The following GABRA5 variants were observed in gnomAD, a reference collection of about 807,000 sequenced individuals.
GABRA5 encodes the protein gamma-aminobutyric acid receptor subunit alpha-5.
A neutral mutation model predicts 47.3 loss-of-function variants in GABRA5; 18 were observed. The ratio of observed to expected loss-of-function variants is 0.38; its 90% CI spans 0.26 to 0.56. GABRA5 has a LOEUF of 0.56. Ranked by LOEUF, GABRA5 falls within the 20% of genes least tolerant of loss-of-function variation. The pLI is 0.71. For missense variants in GABRA5, 365 were observed against 599.3 expected (o/e 0.61, Z 4.08); for synonymous variants, 237 against 229.3 (o/e 1.03, Z -0.30).
At chr15:26,921,691 T>TTG (rs1480043980) in intron 7 of GABRA5, among the ~76,000 whole-genome samples, 1 of 152,152 alleles carries the variant, frequency 6.6e-6, no homozygotes, top group East Asian at 1.9e-4. Flanking sequence ...ACTTAGGTTA[T>TTG]TGATTTGAGA....
At chr15:26,946,688 A>G (rs1462678124) in intron 10 of GABRA5, among the ~76,000 whole-genome samples, 1 of 151,922 alleles carries the variant, frequency 6.6e-6, no homozygotes, top group Non-Finnish European at 1.5e-5. Flanking sequence ...AAAGCTCACC[A>G]TGCCTCTTCC....
At chr15:26,930,026 T>G (rs1039282628) in intron 7 of GABRA5, among the ~76,000 whole-genome samples, 1 of 150,942 alleles carries the variant, frequency 6.6e-6, no homozygotes, top group Admixed American at 6.6e-5. Flanking sequence ...TTTTTTTGTT[T>G]TTTGTTTTTT....
intron 4 of GABRA5, among the ~76,000 whole-genome samples, chr15:26,881,588 A>G (rs67607606): frequency 0.17 from 25,233 of 152,222 alleles, 4,767 homozygotes; most frequent in African/African-American, 0.47. Context: ...GGCATGTGCA[A>G]TCCCCTTGGC....
intron 7 of GABRA5, among the ~76,000 whole-genome samples, chr15:26,923,977 A>G (rs868134663): frequency 1.3e-5 from 2 of 151,832 alleles, no homozygotes; most frequent in South Asian, 2.1e-4. Flanking sequence ...TGTTACCAGC[A>G]TGTTTGTACT....
intron 6 of GABRA5, among the ~76,000 whole-genome samples, chr15:26,909,689 T>C (rs143819954): frequency 1.6e-4 from 24 of 152,328 alleles, no homozygotes; most frequent in Admixed American, 2.6e-4. Context: ...TCTGACACTC[T>C]TGTCTCCCTC....
intron 7 of GABRA5, among the ~76,000 whole-genome samples, chr15:26,923,017 T>C (rs1893878545): frequency 1.3e-5 from 2 of 152,222 alleles, no homozygotes. Context: ...CCTCCCTTTA[T>C]GTCCCTTTAC....
intron 7 of GABRA5, among the ~76,000 whole-genome samples, chr15:26,922,797 G>T (rs1364860015): frequency 6.6e-6 from 1 of 152,070 alleles, no homozygotes; most frequent in Non-Finnish European, 1.5e-5. Flanking sequence ...GTCTTGCTTT[G>T]TTGCCCAGGC....
chr15:26,893,775 C>G (rs1430150848), intron 6 of GABRA5, among the ~76,000 whole-genome samples: 1 of 151,954 alleles, frequency 6.6e-6, no homozygotes, highest in African/African-American at 2.4e-5. Context: ...GCGGTGGGCA[C>G]GGAGTCTGGG....
At chr15:26,909,818 C>T (rs954916083) in intron 6 of GABRA5, among the ~76,000 whole-genome samples, 1 of 152,210 alleles carries the variant, frequency 6.6e-6, no homozygotes, top group African/African-American at 2.4e-5. Flanking sequence ...AGGTAGCATA[C>T]TCACAGGTTT....
chr15:26,869,967 T>C (rs928196991), intron 3 of GABRA5, among the ~76,000 whole-genome samples: 2 of 152,240 alleles, frequency 1.3e-5, no homozygotes, highest in Non-Finnish European at 2.9e-5. Flanking sequence ...ACCTTTTTTT[T>C]CATGAAACTA....
intron 3 of GABRA5, among the ~76,000 whole-genome samples, chr15:26,871,721 A>G (rs1892477216): frequency 6.6e-6 from 1 of 152,100 alleles, no homozygotes; most frequent in South Asian, 2.1e-4. Flanking sequence ...TTCCTACCCA[A>G]TACATGATCA....
intron 6 of GABRA5, among the ~76,000 whole-genome samples, chr15:26,902,795 A>C (rs1047405158): frequency 6.6e-6 from 1 of 152,252 alleles, no homozygotes; most frequent in South Asian, 2.1e-4. Flanking sequence ...TTTTTAAAAA[A>C]TCAAGTTGAG....
chr15:26,902,010 T>A (rs999805376), intron 6 of GABRA5, among the ~76,000 whole-genome samples: 1 of 152,186 alleles, frequency 6.6e-6, no homozygotes, highest in African/African-American at 2.4e-5. Flanking sequence ...TATCTAGTTG[T>A]CTATTCTTTC....
intron 6 of GABRA5, among the ~76,000 whole-genome samples, chr15:26,911,300 CT>C (rs967149084): frequency 1.3e-5 from 2 of 151,498 alleles, no homozygotes; most frequent in African/African-American, 2.4e-5. Context: ...TTAAAAGTGC[CT>C]TTTTTTAGAT....
In GABRA5 at chr15:26,948,264, A is replaced by G. The variant is rs767156344; in HGVS notation, c.*31A>G. 6.3e-7 allele frequency: 1 copy of G among 1,597,612 alleles called. No homozygotes were observed. Among genetic ancestry groups the G allele is most frequent in the South Asian group, 1.1e-5 (1 of 88,878 alleles). ...CACACTCCCAAACTCCAAGACAGCC[A>G]TACTTCCAGCGAAATGGTACCAAGG... On this transcript the variant is annotated 3_prime_UTR_variant, in exon 11 of 11. Transcript: ENST00000335625.
At chr15:26,933,324 A>T (rs1224446911) in intron 7 of GABRA5, among the ~76,000 whole-genome samples, 1 of 152,150 alleles carries the variant, frequency 6.6e-6, no homozygotes, top group Non-Finnish European at 1.5e-5. Flanking sequence ...TTAAGACCAG[A>T]TGACTTGGGA....
chr15:26,935,591 C>T (rs908232052), intron 7 of GABRA5, among the ~76,000 whole-genome samples: 3 of 152,334 alleles, frequency 2.0e-5, no homozygotes, highest in African/African-American at 7.2e-5. Flanking sequence ...CCAGGAGGAG[C>T]CATCAGTGAC....
intron 6 of GABRA5, among the ~76,000 whole-genome samples, chr15:26,895,366 C>T (rs1237159493): frequency 1.3e-5 from 2 of 152,090 alleles, no homozygotes; most frequent in Admixed American, 1.3e-4. Flanking sequence ...CTTGCGCATT[C>T]GTAATTCCAC....
chr15:26,876,152 G>T (rs560196575), intron 3 of GABRA5, among the ~76,000 whole-genome samples: 2 of 152,340 alleles, frequency 1.3e-5, no homozygotes, highest in Admixed American at 1.3e-4. Context: ...GGAGAGGGCA[G>T]TAGGGAAGAG....
Sources: gnomAD v4.1 joint callset for allele counts (sites outside exome capture counted in the v4.1 genomes callset) on GRCh38, gnomAD v4.1.1 for gene constraint, MANE v1.5 for transcripts, NCBI Gene and HGNC (gene_info 2026-07-23, HGNC 2026-07-21) for gene names.